The following DLGAP1 variants were observed in gnomAD, a reference collection of about 807,000 sequenced individuals.
The protein encoded by DLGAP1 is disks large-associated protein 1.
Under a neutral mutation model 90.8 loss-of-function variants are expected in DLGAP1, and 11 were observed. The ratio of observed to expected loss-of-function variants is 0.12; its 90% CI spans 0.08 to 0.20. The LOEUF is 0.20. DLGAP1 is among the 10% of genes least tolerant of loss of function. DLGAP1 has a pLI of 1.00. For synonymous variants in DLGAP1, 558 were observed against 540.7 expected (o/e 1.03, Z -0.44); for missense variants, 1,050 against 1,333.8 (o/e 0.79, Z 3.31).
At chr18:3,849,008 A>T (rs576705892) in intron 4 of DLGAP1, among the ~76,000 whole-genome samples, 1 of 152,060 alleles carries the variant, frequency 6.6e-6, no homozygotes, top group African/African-American at 2.4e-5. Flanking sequence ...CTTATCTAGC[A>T]CTATCTTGGT....
intron 5 of DLGAP1, among the ~76,000 whole-genome samples, chr18:3,782,226 T>A (rs2065233356): frequency 6.6e-6 from 1 of 151,528 alleles, no homozygotes; most frequent in South Asian, 2.1e-4. Flanking sequence ...GACCTCCGCC[T>A]CCTGGGTTCA....
At chr18:3,687,742 C>CAAAAA (rs1365770049) in intron 7 of DLGAP1, among the ~76,000 whole-genome samples, 1 of 151,670 alleles carries the variant, frequency 6.6e-6, no homozygotes, top group Non-Finnish European at 1.5e-5. Flanking sequence ...AACTCAATGC[C>CAAAAA]AAAAAAATAA....
Position 3,694,074 on chromosome 18 carries a change from TC to T in DLGAP1, c.1591+35060del, listed in dbSNP as rs1309912078. Reference sequence around the variant, plus strand: ...CCCAACAGGCCCCAGAGTGTGACGTTCCCCTCCCTGTGTCCATGTGTTCTCA... The same window carrying T: ...CCCAACAGGCCCCAGAGTGTGACGTTCCCTCCCTGTGTCCATGTGTTCTCA... On this transcript the variant is annotated intron_variant, in intron 7 of 12. Coordinates refer to ENST00000315677, the MANE Select transcript of DLGAP1 (RefSeq NM_004746.4). 1.3e-4 allele frequency among the ~76,000 whole-genome samples: 20 copies of T among 150,282 alleles called. 1 individual carries two copies. The highest frequency in any genetic ancestry group is 4.9e-4 in the African/African-American group (20 of 40,518).
intron 2 of DLGAP1, among the ~76,000 whole-genome samples, chr18:4,121,287 A>G (rs34476411): frequency 0.39 from 58,054 of 150,056 alleles, 12,005 homozygotes; most frequent in African/African-American, 0.58. Flanking sequence ...AGATTGATGT[A>G]GAGGAGGTAA....
intron 2 of DLGAP1, among the ~76,000 whole-genome samples, chr18:4,075,442 T>A (rs1320778688): frequency 6.6e-6 from 1 of 152,192 alleles, no homozygotes; most frequent in Non-Finnish European, 1.5e-5. Context: ...AAATGGTATA[T>A]CCAATAACTA....
intron 3 of DLGAP1, among the ~76,000 whole-genome samples, chr18:3,934,537 C>T (rs748253429): frequency 3.9e-5 from 6 of 152,036 alleles, no homozygotes; most frequent in South Asian, 2.1e-4. Context: ...GAGAATAATA[C>T]GTATTATAGG....
chr18:3,669,472 G>A (rs182775491), intron 7 of DLGAP1, among the ~76,000 whole-genome samples: 16 of 152,322 alleles, frequency 1.1e-4, no homozygotes, highest in Non-Finnish European at 1.6e-4. Context: ...GACACAAGCG[G>A]CTGGACGTGT....
chr18:3,860,023 T>G (rs371981833), intron 4 of DLGAP1, among the ~76,000 whole-genome samples: 4 of 151,364 alleles, frequency 2.6e-5, no homozygotes, highest in African/African-American at 9.7e-5. Flanking sequence ...GGCGTGAACC[T>G]GGGAGGTGGA....
At chr18:3,659,055 CTT>C (rs1172400766) in intron 7 of DLGAP1, among the ~76,000 whole-genome samples, 1 of 152,062 alleles carries the variant, frequency 6.6e-6, no homozygotes, top group Non-Finnish European at 1.5e-5. Flanking sequence ...ATAGACTTCT[CTT>C]ATATTTTTAA....
At chr18:3,609,779 C>T (rs927699415) in intron 7 of DLGAP1, among the ~76,000 whole-genome samples, 5 of 151,440 alleles carry the variant, frequency 3.3e-5, no homozygotes, top group African/African-American at 7.3e-5. Context: ...TCTCGGAGGC[C>T]GGGCGCGGTG....
At chr18:4,341,592 C>T (rs1161541308) in intron 1 of DLGAP1, among the ~76,000 whole-genome samples, 1 of 152,182 alleles carries the variant, frequency 6.6e-6, no homozygotes, top group Non-Finnish European at 1.5e-5. Flanking sequence ...TATACTCAGA[C>T]ATTTGGGGTT....
chr18:3,690,407 T>A (rs148824539), intron 7 of DLGAP1, among the ~76,000 whole-genome samples: 93 of 151,798 alleles, frequency 6.1e-4, no homozygotes, highest in African/African-American at 2.2e-3. Flanking sequence ...TTAAACAATA[T>A]CAAGGAAGGA....
intron 2 of DLGAP1, among the ~76,000 whole-genome samples, chr18:4,095,708 A>G (rs1484315009): frequency 6.6e-6 from 1 of 152,042 alleles, no homozygotes; most frequent in African/African-American, 2.4e-5. Flanking sequence ...TTTGACATCA[A>G]CCTTCAACTG....
chr18:3,740,999 T>TCACCAC (rs1292391199), intron 6 of DLGAP1, among the ~76,000 whole-genome samples: 2 of 21,600 alleles, frequency 9.3e-5, no homozygotes, highest in Non-Finnish European at 1.7e-4. Flanking sequence ...CACCATCACC[T>TCACCAC]CACCACCACC....
chr18:3,639,755 C>CTTTT (rs58862252), intron 7 of DLGAP1, among the ~76,000 whole-genome samples: 11,814 of 118,018 alleles, frequency 0.1, 945 homozygotes, highest in African/African-American at 0.15. Context: ...GCAGAGTTGC[C>CTTTT]TTTTTTTTTT....
intron 1 of DLGAP1, among the ~76,000 whole-genome samples, chr18:4,409,505 T>G (rs78981655): frequency 0.014 from 2,190 of 152,278 alleles, 63 homozygotes; most frequent in African/African-American, 0.05. Flanking sequence ...TTTCTGAAGA[T>G]AGTGAGGGAT....
chr18:3,824,375 T>C (rs995524490), intron 4 of DLGAP1, among the ~76,000 whole-genome samples: 4 of 152,164 alleles, frequency 2.6e-5, no homozygotes, highest in African/African-American at 9.7e-5. Flanking sequence ...TAAAATCACA[T>C]AAACCTCTCA....
intron 1 of DLGAP1, among the ~76,000 whole-genome samples, chr18:4,433,011 T>A (rs281002): frequency 0.84 from 127,426 of 152,132 alleles, 53,640 homozygotes; most frequent in East Asian, 0.97. Flanking sequence ...AGGATATAAA[T>A]TTTTCAGCAG....
At chr18:4,317,592 C>T (rs1431590719) in intron 1 of DLGAP1, among the ~76,000 whole-genome samples, 2 of 152,208 alleles carry the variant, frequency 1.3e-5, no homozygotes, top group African/African-American at 2.4e-5. Flanking sequence ...TCATGAATAA[C>T]TGTTTCACTG....
Sources: allele counts gnomAD v4.1 joint callset (sites outside exome capture counted in the v4.1 genomes callset), GRCh38; gene constraint gnomAD v4.1.1; transcripts MANE v1.5; gene names NCBI Gene and HGNC (gene_info 2026-07-23, HGNC 2026-07-21).